The following FILIP1L variants were observed in gnomAD, a reference collection of about 807,000 sequenced individuals.
FILIP1L encodes the protein filamin A-interacting protein 1-like.
In FILIP1L, 55 loss-of-function variants were observed where a neutral mutation model predicts 96.6. That is an observed-to-expected ratio of 0.57 (90% CI 0.46 to 0.71). The LOEUF (loss-of-function observed/expected upper bound fraction) is 0.71, where lower values mean the gene tolerates loss of function less well. Ranked by LOEUF, FILIP1L falls within the 30% of genes least tolerant of loss-of-function variation. FILIP1L has a pLI of 0.00. For synonymous variants in FILIP1L, 467 were observed against 473.9 expected, an observed-to-expected ratio of 0.99 and a Z score of 0.19; for missense variants, 1,304 against 1,321.2, an observed-to-expected ratio of 0.99 and a Z score of 0.20.
At chr3:99,965,336 T>C (rs1276714638) in intron 1 of FILIP1L, among the ~76,000 whole-genome samples, 2 of 152,220 alleles carry the variant, frequency 1.3e-5, no homozygotes, top group Non-Finnish European at 2.9e-5. Flanking sequence ...CCTGTGTTCT[T>C]ACTGGTGCAG....
chr3:100,078,303 T>C (rs1350724575), intron 1 of FILIP1L, among the ~76,000 whole-genome samples: 2 of 152,188 alleles, frequency 1.3e-5, no homozygotes, highest in Admixed American at 6.5e-5. Context: ...AGCCAATAAT[T>C]GATAAATCCA....
intron 1 of FILIP1L, among the ~76,000 whole-genome samples, chr3:99,943,184 G>C (rs1707902197): frequency 6.6e-6 from 1 of 152,082 alleles, no homozygotes; most frequent in South Asian, 2.1e-4. Context: ...AGTGAATCTA[G>C]TGGTCAGCTC....
In FILIP1L at chr3:99,833,244, CAGA is replaced by C. The variant is rs774378172; in HGVS notation, c.3382-2642_3382-2640del. ...CTGAAGGATGTTGAGTTCAATGAGG[CAGA>C]AGAAGTGGTTCCACCTAGGGAGCAG... is the stretch of plus-strand genomic sequence containing the variant. On this transcript the variant is annotated intron_variant, in intron 5 of 5. Transcript: ENST00000477258. 7.4e-6 allele frequency: 12 copies of C among 1,612,228 alleles called. No individual in the cohort carries two copies. The South Asian group carries it at 9.9e-5, about 13-fold the overall frequency.
chr3:100,074,062 G>A (rs1222579769), intron 1 of FILIP1L, among the ~76,000 whole-genome samples: 1 of 152,084 alleles, frequency 6.6e-6, no homozygotes, highest in African/African-American at 2.4e-5. Context: ...GTTTGTGGGG[G>A]CCTTTTTTTT....
At chr3:99,918,782 A>T (rs1707034188) in intron 4 of FILIP1L, among the ~76,000 whole-genome samples, 1 of 152,202 alleles carries the variant, frequency 6.6e-6, no homozygotes, top group Admixed American at 6.5e-5. Context: ...ATCATGTCAT[A>T]ATTCTGTATA....
intron 1 of FILIP1L, among the ~76,000 whole-genome samples, chr3:100,000,025 A>T (rs1028025807): frequency 4.6e-5 from 7 of 152,126 alleles, no homozygotes; most frequent in Non-Finnish European, 1.0e-4. Flanking sequence ...CCACCTCCAG[A>T]GTCTTATTTG....
chr3:99,922,793 T>TTA (rs1258546332), intron 4 of FILIP1L, among the ~76,000 whole-genome samples: 2 of 152,228 alleles, frequency 1.3e-5, no homozygotes, highest in African/African-American at 4.8e-5. Flanking sequence ...TAGAAAATAT[T>TTA]TACCAACCAA....
intron 1 of FILIP1L, among the ~76,000 whole-genome samples, chr3:100,110,466 A>G (rs2066472282): frequency 1.3e-5 from 2 of 152,180 alleles, no homozygotes; most frequent in Non-Finnish European, 2.9e-5. Flanking sequence ...TGGATCCATC[A>G]TGAAGATACC....
At chr3:99,934,727 C>T (rs1350763313) in intron 1 of FILIP1L, among the ~76,000 whole-genome samples, 2 of 152,206 alleles carry the variant, frequency 1.3e-5, no homozygotes, top group Non-Finnish European at 2.9e-5. Flanking sequence ...AGCTTCCTCA[C>T]CTCACTCTTA....
At chr3:99,960,921 TAA>T (rs1191032674) in intron 1 of FILIP1L, among the ~76,000 whole-genome samples, 2 of 152,220 alleles carry the variant, frequency 1.3e-5, no homozygotes. Flanking sequence ...AAGTGAAATG[TAA>T]AAAGAGTCTA....
intron 1 of FILIP1L, among the ~76,000 whole-genome samples, chr3:99,942,878 A>G (rs997143725): frequency 6.6e-6 from 1 of 152,078 alleles, no homozygotes; most frequent in Non-Finnish European, 1.5e-5. Flanking sequence ...AGAAAAAAAG[A>G]GAGTGCCATG....
At chr3:99,904,318 G>A (rs1405630255) in intron 4 of FILIP1L, among the ~76,000 whole-genome samples, 1 of 152,118 alleles carries the variant, frequency 6.6e-6, no homozygotes, top group African/African-American at 2.4e-5. Context: ...CTTTCAGTAG[G>A]GAGAGAAAAC....
chr3:99,983,400 AT>A (rs1349015591), intron 1 of FILIP1L, among the ~76,000 whole-genome samples: 1 of 110,106 alleles, frequency 9.1e-6, no homozygotes, highest in Non-Finnish European at 1.8e-5. Context: ...ATATATATAT[AT>A]ATATATATAT....
chr3:100,101,624 G>GT (rs2066306817), intron 1 of FILIP1L, among the ~76,000 whole-genome samples: 1 of 152,056 alleles, frequency 6.6e-6, no homozygotes, highest in East Asian at 1.9e-4. Flanking sequence ...GTTTGTTTTT[G>GT]TTTTTTTAAT....
chr3:99,939,073 G>A (rs529202933), intron 1 of FILIP1L, among the ~76,000 whole-genome samples: 4 of 152,326 alleles, frequency 2.6e-5, no homozygotes, highest in African/African-American at 7.2e-5. Flanking sequence ...GGATTGGAAA[G>A]TGGGGATGTA....
At chr3:100,037,351 T>C (rs1375452688) in intron 1 of FILIP1L, among the ~76,000 whole-genome samples, 1 of 152,240 alleles carries the variant, frequency 6.6e-6, no homozygotes, top group Admixed American at 6.5e-5. Flanking sequence ...TAATAACTGG[T>C]GAATATGGGT....
intron 1 of FILIP1L, among the ~76,000 whole-genome samples, chr3:99,952,348 C>G (rs1225319246): frequency 6.6e-6 from 1 of 152,128 alleles, no homozygotes; most frequent in Non-Finnish European, 1.5e-5. Context: ...CTATACAATT[C>G]AAACATTTTC....
chr3:100,037,180 T>A (rs146985676), intron 1 of FILIP1L, among the ~76,000 whole-genome samples: 3 of 151,200 alleles, frequency 2.0e-5, no homozygotes, highest in Non-Finnish European at 4.4e-5. Flanking sequence ...ATTTCCTGAT[T>A]TTGATCATTG....
At chr3:99,837,849 G>C (rs1308909928) in intron 5 of FILIP1L, among the ~76,000 whole-genome samples, 2 of 152,228 alleles carry the variant, frequency 1.3e-5, no homozygotes, top group African/African-American at 4.8e-5. Context: ...TGTGGCCTAA[G>C]TTGGTGGTGC....
Sources: gnomAD v4.1 joint callset for allele counts (sites outside exome capture counted in the v4.1 genomes callset) on GRCh38, gnomAD v4.1.1 for gene constraint, MANE v1.5 for transcripts, NCBI Gene and HGNC (gene_info 2026-07-23, HGNC 2026-07-21) for gene names.